PARD3B: variants seen among roughly 807,000 people sequenced by gnomAD.
PARD3B encodes par-3 family cell polarity regulator beta.
Under a neutral mutation model 130.2 loss-of-function variants are expected in PARD3B, and 103 were observed. The ratio of observed to expected loss-of-function variants is 0.79; its 90% CI spans 0.67 to 0.93. PARD3B has a LOEUF of 0.93. Ranked by LOEUF, PARD3B falls within the 40% of genes least tolerant of loss-of-function variation. The probability of loss-of-function intolerance (pLI) is 0.00; values close to 1 mark genes in which losing one functional copy is unlikely to be tolerated. For missense variants in PARD3B, 1,609 were observed against 1,499.2 expected, an observed-to-expected ratio of 1.07 and a Z score of -1.21; for synonymous variants, 583 against 553.2, an observed-to-expected ratio of 1.05 and a Z score of -0.76.
intron 2 of PARD3B, among the ~76,000 whole-genome samples, chr2:204,860,327 C>T (rs2045131561): frequency 6.6e-6 from 1 of 152,160 alleles, no homozygotes; most frequent in South Asian, 2.1e-4. Context: ...ATGGTTAAAA[C>T]CAAAAGGTGT....
At chr2:205,249,120 C>T (rs555032130) in intron 16 of PARD3B, among the ~76,000 whole-genome samples, 13 of 150,194 alleles carry the variant, frequency 8.7e-5, no homozygotes, top group African/African-American at 3.0e-4. Flanking sequence ...AGCAATTCTC[C>T]TGCCTCAGCC....
At chr2:204,711,949 T>C (rs2125300973) in intron 2 of PARD3B, among the ~76,000 whole-genome samples, 1 of 152,284 alleles carries the variant, frequency 6.6e-6, no homozygotes, top group East Asian at 1.9e-4. Context: ...TGGGATTTAA[T>C]CCAAGGCAGT....
At chr2:205,138,805 A>G (rs1473978113) in intron 10 of PARD3B, among the ~76,000 whole-genome samples, 1 of 152,230 alleles carries the variant, frequency 6.6e-6, no homozygotes, top group Non-Finnish European at 1.5e-5. Context: ...TTTGACCTAG[A>G]GATTACCTTA....
intron 19 of PARD3B, among the ~76,000 whole-genome samples, chr2:205,425,044 A>G (rs2047097164): frequency 6.6e-6 from 1 of 152,222 alleles, no homozygotes; most frequent in African/African-American, 2.4e-5. Flanking sequence ...CCCCAGGGGC[A>G]GATTCTTACA....
chr2:205,284,647 T>C (rs2041318503), intron 16 of PARD3B, among the ~76,000 whole-genome samples: 1 of 152,112 alleles, frequency 6.6e-6, no homozygotes, highest in African/African-American at 2.4e-5. Context: ...AAACTGTTAA[T>C]GGTATCCTAA....
intron 2 of PARD3B, among the ~76,000 whole-genome samples, chr2:204,871,575 A>G (rs1051426729): frequency 6.6e-6 from 1 of 152,172 alleles, no homozygotes; most frequent in Non-Finnish European, 1.5e-5. Context: ...GTAAATAATA[A>G]TGATATGAAT....
intron 16 of PARD3B, among the ~76,000 whole-genome samples, chr2:205,297,047 G>C (rs531612873): frequency 1.6e-4 from 24 of 152,094 alleles, no homozygotes; most frequent in African/African-American, 5.5e-4. Context: ...TGAATCTTGT[G>C]TATGTTGAGC....
chr2:204,885,907 T>C (rs1396125262), intron 2 of PARD3B, among the ~76,000 whole-genome samples: 1 of 152,154 alleles, frequency 6.6e-6, no homozygotes, highest in Non-Finnish European at 1.5e-5. Flanking sequence ...TCCAACCGCC[T>C]GAGAAGGGGG....
At chr2:205,167,253 A>T (rs747685645) in intron 11 of PARD3B, among the ~76,000 whole-genome samples, 1 of 152,170 alleles carries the variant, frequency 6.6e-6, no homozygotes, top group Admixed American at 6.5e-5. Context: ...CCCCCCAGCA[A>T]TCATAAATAA....
chr2:204,776,795 T>A (rs762936636), intron 2 of PARD3B, among the ~76,000 whole-genome samples: 2 of 151,872 alleles, frequency 1.3e-5, no homozygotes, highest in African/African-American at 4.8e-5. Flanking sequence ...CCTCTTCTCT[T>A]ACCTCCACCT....
intron 2 of PARD3B, among the ~76,000 whole-genome samples, chr2:204,821,743 C>T (rs1388309634): frequency 6.6e-6 from 1 of 151,694 alleles, no homozygotes; most frequent in African/African-American, 2.4e-5. Context: ...TAGAAATGGG[C>T]ATTTCCCTGC....
At chr2:205,555,649 C>T (rs2052849203) in intron 22 of PARD3B, among the ~76,000 whole-genome samples, 1 of 152,148 alleles carries the variant, frequency 6.6e-6, no homozygotes, top group Non-Finnish European at 1.5e-5. Flanking sequence ...GAAAGGGAAG[C>T]ATCTCAAACT....
chr2:204,837,092 G>A (rs1369192999), intron 2 of PARD3B, among the ~76,000 whole-genome samples: 1 of 152,052 alleles, frequency 6.6e-6, no homozygotes, highest in Non-Finnish European at 1.5e-5. Context: ...AACATCCAGT[G>A]GGGTATGATT....
At chr2:205,150,394 T>C (rs1209997063) in intron 10 of PARD3B, among the ~76,000 whole-genome samples, 3 of 152,102 alleles carry the variant, frequency 2.0e-5, no homozygotes, top group African/African-American at 7.2e-5. Context: ...GGTAGTACTT[T>C]ATACCCATTT....
chr2:205,306,673 C>T (rs911353474), intron 18 of PARD3B, among the ~76,000 whole-genome samples: 4 of 152,116 alleles, frequency 2.6e-5, no homozygotes, highest in African/African-American at 7.2e-5. Flanking sequence ...TTTCTTTCCA[C>T]GATTTTAGCA....
At chr2:205,247,822 A>G (rs534896326) in intron 16 of PARD3B, among the ~76,000 whole-genome samples, 1 of 152,358 alleles carries the variant, frequency 6.6e-6, no homozygotes, top group African/African-American at 2.4e-5. Context: ...GTAAAACACT[A>G]GAAACGGTTC....
intron 18 of PARD3B, among the ~76,000 whole-genome samples, chr2:205,395,395 C>A (rs548362856): frequency 6.6e-6 from 1 of 152,194 alleles, no homozygotes; most frequent in Non-Finnish European, 1.5e-5. Context: ...CATCTTCTTG[C>A]AGCATTCTTT....
chr2:205,325,331 C>T lies in PARD3B; in HGVS notation c.2630+23630C>T, dbSNP rs1264413771. Among the ~76,000 whole-genome samples the T allele has an allele frequency of 6.6e-6, 1 of 152,070 alleles. No homozygotes were observed. Among genetic ancestry groups the T allele is most frequent in the Non-Finnish European group, 1.5e-5 (1 of 68,020 alleles). On this transcript the variant is annotated intron_variant, in intron 18 of 22. Transcript: ENST00000406610. This position sits in a 1 kb window ranked among gnomAD's most constrained non-coding sequence, Gnocchi z 4.1. ...TGTGCCATGACAGCATTAAGGTAGTCAATGCCTTGGGCTTTTCATATTCCC... is the reference window on the plus strand; with the variant it reads ...TGTGCCATGACAGCATTAAGGTAGTTAATGCCTTGGGCTTTTCATATTCCC...
At chr2:205,488,831 C>A (rs753588645) in intron 20 of PARD3B, among the ~76,000 whole-genome samples, 1 of 152,090 alleles carries the variant, frequency 6.6e-6, no homozygotes, top group Non-Finnish European at 1.5e-5. Context: ...GCTATTCTGC[C>A]CCCAAGCCTC....
Sources: gnomAD v4.1 joint callset for allele counts (sites outside exome capture counted in the v4.1 genomes callset) on GRCh38, gnomAD v4.1.1 for gene constraint, Gnocchi (gnomAD v3.1) non-coding constraint, MANE v1.5 for transcripts, NCBI Gene and HGNC (gene_info 2026-07-23, HGNC 2026-07-21) for gene names.